Variants in PHF2 observed in about 807,000 individuals in gnomAD.
PHF2 encodes the protein PHD finger protein 2, also known as lysine-specific demethylase PHF2.
Under a neutral mutation model 120.5 loss-of-function variants are expected in PHF2, and 27 were observed. The observed-to-expected ratio is 0.22, with a 90% CI of 0.17 to 0.31. The LOEUF is 0.31. PHF2 is among the 10% of genes least tolerant of loss of function. The pLI, the probability that PHF2 is intolerant of heterozygous loss-of-function variation, is 1.00. For synonymous variants in PHF2, 568 were observed against 592.5 expected (o/e 0.96, Z 0.60); for missense variants, 1,024 against 1,434.8 (o/e 0.71, Z 4.63).
intron 1 of PHF2, among the ~76,000 whole-genome samples, chr9:93,619,631 G>A (rs1825791671): frequency 6.6e-6 from 1 of 151,846 alleles, no homozygotes; most frequent in African/African-American, 2.4e-5. Flanking sequence ...GCCTGCTGGT[G>A]GCTTCCGGTA....
rs75748099 is a variant in PHF2, at chr9:93,645,577, G to A, written c.300-52G>A. The A allele has an allele frequency of 1.8e-3, 2,654 of 1,497,138 alleles. 30 individuals carry two copies. In the African/African-American group the frequency reaches 0.03, roughly 17 times the overall value. 92.7% of individuals were successfully genotyped at this position (1,497,138 alleles called of 1,614,324 possible). A position where few individuals can be genotyped will look rare whatever the true frequency, so the allele number is the denominator to read the frequency against. ...CCGAGGCCCTGTCCACACCTGTCCCGGTGCAGGAGGCCTCGGGCCCAATGT... is the reference window on the plus strand; with the variant it reads ...CCGAGGCCCTGTCCACACCTGTCCCAGTGCAGGAGGCCTCGGGCCCAATGT... On this transcript the variant is annotated intron_variant, in intron 3 of 21. Coordinates refer to ENST00000359246, the MANE Select transcript of PHF2 (RefSeq NM_005392.4).
chr9:93,659,390 G>T lies in PHF2; in HGVS notation c.1240-121G>T. The T allele has an allele frequency of 4.1e-6, 3 of 739,496 alleles. No individual in the cohort carries two copies. In the South Asian group the frequency reaches 5.1e-5, roughly 13 times the overall value. The allele number at this position is 739,496 out of a possible 1,614,324, so 45.8% of individuals were successfully genotyped here. On this transcript the variant is annotated intron_variant, in intron 10 of 21. Transcript: ENST00000359246. ...TGCCAGGGCAGAGTTTGGCTCGGAA[G>T]CCCCTCGCCTCATGCTCATCTGAGT...
chr9:93,677,517 C>T lies in PHF2; in HGVS notation c.3203-71C>T, dbSNP rs1172533549. On this transcript the variant is annotated intron_variant, in intron 21 of 21. Coordinates refer to ENST00000359246, the MANE Select transcript of PHF2 (RefSeq NM_005392.4). This position sits in a 1 kb window ranked among gnomAD's most constrained non-coding sequence, Gnocchi z 4.4. ...CTTAGTGTCAGCGGGACCCTCCCCCCCACCGGCATGCCACGCCCCTTGCCA... is the reference window on the plus strand; with the variant it reads ...CTTAGTGTCAGCGGGACCCTCCCCCTCACCGGCATGCCACGCCCCTTGCCA... 3.5e-6 allele frequency: 4 copies of T among 1,145,046 alleles called. No individual in the cohort carries two copies. The highest frequency in any genetic ancestry group is 2.6e-6 in the Non-Finnish European group (2 of 765,428). 70.9% of individuals were successfully genotyped at this position (1,145,046 alleles called of 1,614,324 possible).
chr9:93,577,781 G>A (rs1235632475), intron 1 of PHF2, among the ~76,000 whole-genome samples: 1 of 152,190 alleles, frequency 6.6e-6, no homozygotes, highest in African/African-American at 2.4e-5. Context: ...GCCATGACCT[G>A]GCCCCATGCC....
At chr9:93,661,054 C>T (rs532040557) in intron 12 of PHF2, among the ~76,000 whole-genome samples, 1 of 152,092 alleles carries the variant, frequency 6.6e-6, no homozygotes, top group East Asian at 1.9e-4. Flanking sequence ...GGTGTCTGTG[C>T]AGAAACAACA....
At chr9:93,601,579 T>C (rs956234789) in intron 1 of PHF2, among the ~76,000 whole-genome samples, 5 of 152,204 alleles carry the variant, frequency 3.3e-5, no homozygotes, top group Admixed American at 1.3e-4. Flanking sequence ...GGCAGGATGG[T>C]TGGCACCCCC....
intron 1 of PHF2, among the ~76,000 whole-genome samples, chr9:93,617,754 T>C (rs1367825907): frequency 6.6e-6 from 1 of 152,132 alleles, no homozygotes; most frequent in Non-Finnish European, 1.5e-5. Flanking sequence ...AACTGAAGAA[T>C]GTGGAGTCCA....
chr9:93,584,814 C>A (rs965389619), intron 1 of PHF2, among the ~76,000 whole-genome samples: 1 of 152,176 alleles, frequency 6.6e-6, no homozygotes, highest in Non-Finnish European at 1.5e-5. Flanking sequence ...TGTGTTCAGC[C>A]TGTAGATTGC....
chr9:93,579,991 A>C (rs969729664), intron 1 of PHF2, among the ~76,000 whole-genome samples: 2 of 152,158 alleles, frequency 1.3e-5, no homozygotes, highest in South Asian at 2.1e-4. Context: ...CACCATGGGG[A>C]GGGAGAATCG....
intron 12 of PHF2, among the ~76,000 whole-genome samples, chr9:93,662,130 A>AATGG (rs779582259): frequency 5.3e-5 from 8 of 149,540 alleles, no homozygotes; most frequent in African/African-American, 9.9e-5. Flanking sequence ...TGGATGAATG[A>AATGG]ATGGATGGAT....
At chr9:93,582,805 G>A (rs1198694030) in intron 1 of PHF2, among the ~76,000 whole-genome samples, 1 of 152,178 alleles carries the variant, frequency 6.6e-6, no homozygotes, top group African/African-American at 2.4e-5. Flanking sequence ...GAAGCAATTT[G>A]GTGTGAGCCT....
rs942945803 is a variant in PHF2, at chr9:93,658,117, C to T, written c.1148-28C>T. 6 of 1,525,326 alleles carry T rather than the reference C, an allele frequency of 3.9e-6. No homozygotes were observed. In the East Asian group the frequency reaches 1.1e-4, roughly 29 times the overall value. The allele number at this position is 1,525,326 out of a possible 1,614,324, so 94.5% of individuals were successfully genotyped here. On this transcript the variant is annotated intron_variant, in intron 9 of 21. Coordinates refer to ENST00000359246, the MANE Select transcript of PHF2 (RefSeq NM_005392.4). ...GGCACCTGTGGGCAGCAGGCACCCA[C>T]CCACCTCACCCAGTGTCTCCTTCCC...
intron 1 of PHF2, among the ~76,000 whole-genome samples, chr9:93,582,229 G>A (rs932024309): frequency 1.3e-5 from 2 of 152,172 alleles, no homozygotes; most frequent in African/African-American, 4.8e-5. Flanking sequence ...CCTCCCAGAG[G>A]GTGCAGGTGA....
intron 1 of PHF2, among the ~76,000 whole-genome samples, chr9:93,596,499 G>T (rs1825335293): frequency 6.6e-6 from 1 of 152,094 alleles, no homozygotes; most frequent in Non-Finnish European, 1.5e-5. Context: ...GGTGGGCCAG[G>T]TTTATCCTAG....
At position 93,679,488 on chromosome 9, in the gene PHF2, AT is replaced by A. The variant is rs1260825737; in HGVS notation, c.*1815del. ...TTTATCGTGGCTATTAAAGTGTTTT[AT>A]TTCCCAATTCATATTACTCTTGTAT... is the stretch of plus-strand genomic sequence containing the variant. On this transcript the variant is annotated 3_prime_UTR_variant, in exon 22 of 22. Coordinates refer to ENST00000359246, the MANE Select transcript of PHF2 (RefSeq NM_005392.4). 3.3e-6 allele frequency: 1 copy of A among 302,608 alleles called. No homozygotes were observed. Among genetic ancestry groups the A allele is most frequent in the East Asian group, 1.0e-4 (1 of 9,908 alleles). The allele number at this position is 302,608 out of a possible 1,614,324, so 18.7% of individuals were successfully genotyped here. A position where few individuals can be genotyped will look rare whatever the true frequency, so the allele number is the denominator to read the frequency against.
intron 3 of PHF2, among the ~76,000 whole-genome samples, chr9:93,638,862 G>A (rs957074039): frequency 6.6e-6 from 1 of 152,154 alleles, no homozygotes; most frequent in African/African-American, 2.4e-5. Context: ...GGGACTACAG[G>A]CGTGCACTAC....
At position 93,646,224 on chromosome 9, in the gene PHF2, G is replaced by A. The variant is rs1283684570; in HGVS notation, c.460+435G>A. The stretch of plus-strand genomic sequence containing the variant: ...ACCAGAATCTCCTCGTCTGGATTCC[G>A]TCTGGGTTCTAGCCAGTGCCATTGC... On this transcript the variant is annotated intron_variant, in intron 4 of 21. Coordinates refer to ENST00000359246, the MANE Select transcript of PHF2 (RefSeq NM_005392.4). Among the ~76,000 whole-genome samples, 6 of 152,206 alleles carry A rather than the reference G, an allele frequency of 3.9e-5. No individual in the cohort carries two copies. The South Asian group carries it at 6.2e-4, about 16-fold the overall frequency.
intron 17 of PHF2, chr9:93,672,420 GAGT>G (rs1826820113): frequency 8.9e-6 from 8 of 902,644 alleles, no homozygotes; most frequent in Non-Finnish European, 1.1e-5. Flanking sequence ...GTGGGTGTGG[GAGT>G]AGGCACAGGT....
chr9:93,623,499 G>A (rs968144482), intron 1 of PHF2, among the ~76,000 whole-genome samples: 1 of 152,094 alleles, frequency 6.6e-6, no homozygotes, highest in African/African-American at 2.4e-5. Context: ...CCTGGCTTTG[G>A]GCCTTTGCTT....
Sources: gnomAD v4.1 joint callset for allele counts (sites outside exome capture counted in the v4.1 genomes callset) on GRCh38, gnomAD v4.1.1 for gene constraint, Gnocchi (gnomAD v3.1) non-coding constraint, MANE v1.5 for transcripts, NCBI Gene and HGNC (gene_info 2026-07-23, HGNC 2026-07-21) for gene names.